Variants in CECR2 observed in about 807,000 individuals in gnomAD.
CECR2 encodes the protein CECR2 histone acetyl-lysine reader, also known as chromatin remodeling regulator CECR2.
Under a neutral mutation model 154.5 loss-of-function variants are expected in CECR2, and 30 were observed. That is an observed-to-expected ratio of 0.19 (90% confidence interval 0.15 to 0.26). The LOEUF (loss-of-function observed/expected upper bound fraction) is 0.26. Among genes scored for constraint, CECR2 ranks in the 10% least tolerant of loss-of-function variants. The pLI, the probability that CECR2 is intolerant of heterozygous loss-of-function variation, is 1.00. For synonymous variants in CECR2, 725 were observed against 683.7 expected (o/e 1.06, Z -0.94); for missense variants, 1,743 against 1,829.3 (o/e 0.95, Z 0.86).
chr22:17,505,943 C>T (rs1005452618), intron 7 of CECR2, among the ~76,000 whole-genome samples: 2 of 149,256 alleles, frequency 1.3e-5, no homozygotes, highest in African/African-American at 4.9e-5. Context: ...TTGCCAGGCT[C>T]ATGTGATCCT....
chr22:17,511,991 AT>A (rs961774183), intron 8 of CECR2, 95 bp downstream of exon 8: 33 of 942,418 alleles, frequency 3.5e-5, no homozygotes, highest in Middle Eastern at 4.6e-4. Flanking sequence ...ATTTTCCTTC[AT>A]TTTTTTTCCT....
At chr22:17,456,210 G>A (rs571874274) in intron 1 of CECR2, among the ~76,000 whole-genome samples, 2 of 152,134 alleles carry the variant, frequency 1.3e-5, no homozygotes, top group South Asian at 2.1e-4. Context: ...AAAATGTTAT[G>A]TATAGTTGAG....
chr22:17,549,479 G>A lies in CECR2; in HGVS notation c.4192G>A (p.Gly1398Ser). The A allele has an allele frequency of 6.2e-7, 1 of 1,610,334 alleles. No individual in the cohort carries two copies. Among genetic ancestry groups the A allele is most frequent in the Non-Finnish European group, 8.5e-7 (1 of 1,178,242 alleles). Residue 1398 changes from glycine to serine, a missense_variant, in exon 17 of 19, where the codon GGT (glycine) becomes AGT (serine). Physicochemically the swap from Gly to Ser is moderately conservative, Grantham distance 56. Around this residue, in one of 4 missense-constraint regions of CECR2, gnomAD observed 1,250 missense variants for 1,192.1 expected, o/e 1.05. Transcript: ENST00000262608. Reference protein sequence around the residue: ...PIYRCQEEGLGHFQAVMMEQI... With the variant: ...PIYRCQEEGLSHFQAVMMEQI... Reference sequence around the variant, plus strand: ...CTATCGCTGCCAGGAAGAAGGCCTGGGTCACTTTCAAGCTGTGATGATGGA... The same window carrying A: ...CTATCGCTGCCAGGAAGAAGGCCTGAGTCACTTTCAAGCTGTGATGATGGA...
Position 17,494,198 on chromosome 22 carries a change from C to T in CECR2, c.222-3205C>T, listed in dbSNP as rs533136017. Among the ~76,000 whole-genome samples the T allele has an allele frequency of 6.4e-4, 98 of 152,322 alleles. 2 individuals carry two copies. The Middle Eastern group carries it at 0.014, about 21-fold the overall frequency. ...ACAACCTCTGCCTCCCGGGTTCAAG[C>T]GATTCTCCTGCTTCAGCCTTCCAGA... is the stretch of plus-strand genomic sequence containing the variant. On this transcript the variant is annotated intron_variant, in intron 2 of 18. Coordinates refer to ENST00000262608, the MANE Select transcript of CECR2 (RefSeq NM_001290047.2).
chr22:17,552,075 C>G lies in CECR2; in HGVS notation c.4322C>G (p.Thr1441Ser). 1 of 1,614,016 alleles carries G rather than the reference C, an allele frequency of 6.2e-7. No individual in the cohort carries two copies. ...CAGTCGCAGGCCTCGTTCCCAAAGA[C>G]CCCCACAGCAGCAACATCACAGGAG... ...PVQSQASFPK[T>S]PTAATSQEEV... The change falls in exon 18 of 19, where the codon ACC becomes AGC. Residue 1441 changes from threonine to serine, a missense_variant. By Grantham distance (58) the Thr-to-Ser change is moderately conservative (BLOSUM62 1). Coordinates refer to ENST00000262608, the MANE Select transcript of CECR2 (RefSeq NM_001290047.2).
In CECR2 at chr22:17,549,301, C is replaced by A; in HGVS notation, c.4014C>A (p.Pro1338=). Residue 1338 remains proline, a synonymous_variant, in exon 17 of 19, where the codon CCC becomes CCA. Coordinates refer to ENST00000262608, the MANE Select transcript of CECR2 (RefSeq NM_001290047.2). ...GMGFGSSAFP[P]HSVMLQTGPP... is the part of the protein sequence containing the mutation. ...GATTTGGTTCATCTGCATTTCCACC[C>A]CACAGTGTGATGCTGCAGACGGGGC... 1.2e-6 allele frequency: 2 copies of A among 1,614,010 alleles called. No individual in the cohort carries two copies. Among genetic ancestry groups the A allele is most frequent in the Non-Finnish European group, 1.7e-6 (2 of 1,179,902 alleles).
chr22:17,380,908 G>A (rs1226705252), intron 1 of CECR2, among the ~76,000 whole-genome samples: 1 of 152,180 alleles, frequency 6.6e-6, no homozygotes, highest in Non-Finnish European at 1.5e-5. Flanking sequence ...ACTGAGGACA[G>A]TTGATTTGCT....
Position 17,380,815 on chromosome 22 carries a change from C to T in CECR2, c.126+10906C>T, listed in dbSNP as rs1210374663. Among the ~76,000 whole-genome samples the T allele has an allele frequency of 5.3e-5, 8 of 152,324 alleles. No homozygotes were observed. The East Asian group carries it at 1.5e-3, about 29-fold the overall frequency. On this transcript the variant is annotated intron_variant, in intron 1 of 18. Transcript: ENST00000262608. Reference sequence around the variant, plus strand: ...AAATGCTGTTCAGCAGTCTTGTTGACTGCAAGAGTGTTTTCTTCTCCTGGC... The same window carrying T: ...AAATGCTGTTCAGCAGTCTTGTTGATTGCAAGAGTGTTTTCTTCTCCTGGC...
intron 16 of CECR2, among the ~76,000 whole-genome samples, chr22:17,544,351 A>C (rs2056576934): frequency 6.6e-6 from 1 of 151,832 alleles, no homozygotes; most frequent in African/African-American, 2.4e-5. Flanking sequence ...ACAAAAAATT[A>C]GCCGAGCGTG....
At chr22:17,529,895 C>CAA (rs1034220631) in intron 9 of CECR2, among the ~76,000 whole-genome samples, 2 of 151,832 alleles carry the variant, frequency 1.3e-5, no homozygotes, top group Non-Finnish European at 1.5e-5. Flanking sequence ...CTTCCAACTA[C>CAA]AAAAAAAGAG....
chr22:17,484,751 G>A (rs58368530), intron 2 of CECR2, among the ~76,000 whole-genome samples: 3,476 of 152,118 alleles, frequency 0.023, 155 homozygotes, highest in African/African-American at 0.08. Flanking sequence ...ATTGGCACAC[G>A]CCTGTAGTCC....
chr22:17,552,939 G>C lies in CECR2; in HGVS notation c.*99G>C. On this transcript the variant is annotated 3_prime_UTR_variant, in exon 19 of 19. Coordinates refer to ENST00000262608, the MANE Select transcript of CECR2 (RefSeq NM_001290047.2). ...CCTGTCAGCTCTATTCCCATCACCT[G>C]CTCCACCCCTTCACGGCGACCCACT... 1 of 1,516,364 alleles carries C rather than the reference G, an allele frequency of 6.6e-7. No homozygotes were observed. Among genetic ancestry groups the C allele is most frequent in the Non-Finnish European group, 8.8e-7 (1 of 1,135,360 alleles). The allele number at this position is 1,516,364 out of a possible 1,614,324, so 93.9% of individuals were successfully genotyped here.
intron 8 of CECR2, among the ~76,000 whole-genome samples, chr22:17,522,663 C>T (rs1325005973): frequency 1.3e-5 from 2 of 152,160 alleles, no homozygotes; most frequent in Admixed American, 6.5e-5. Flanking sequence ...GTAAACTCTT[C>T]TAAAGTCAGG....
intron 1 of CECR2, among the ~76,000 whole-genome samples, chr22:17,383,290 G>T (rs1053739504): frequency 3.3e-5 from 5 of 152,172 alleles, no homozygotes; most frequent in African/African-American, 1.2e-4. Flanking sequence ...TTTTGCCAGT[G>T]CAGGGTCATG....
chr22:17,546,844 G>A (rs2056621769), intron 16 of CECR2, among the ~76,000 whole-genome samples: 1 of 151,828 alleles, frequency 6.6e-6, no homozygotes, highest in South Asian at 2.1e-4. Context: ...TTTGAGACCA[G>A]CCTGGCCAAC....
Position 17,538,975 on chromosome 22 carries a change from G to A in CECR2, c.1369-18G>A, listed in dbSNP as rs766815433. On this transcript the variant is annotated intron_variant, in intron 12 of 18. Coordinates refer to ENST00000262608, the MANE Select transcript of CECR2 (RefSeq NM_001290047.2). ...TCTCAGCATATTTTAACTATAAAGAGTTATGTGTCTCGTTTAGGCCCCCAT... is the reference window on the plus strand; with the variant it reads ...TCTCAGCATATTTTAACTATAAAGAATTATGTGTCTCGTTTAGGCCCCCAT... The A allele has an allele frequency of 6.2e-7, 1 of 1,611,062 alleles. No individual in the cohort carries two copies. Among genetic ancestry groups the A allele is most frequent in the Non-Finnish European group, 8.5e-7 (1 of 1,178,344 alleles).
intron 1 of CECR2, among the ~76,000 whole-genome samples, chr22:17,439,210 A>AT (rs1278192488): frequency 6.6e-6 from 1 of 150,888 alleles, no homozygotes. Flanking sequence ...AGTATTGGCA[A>AT]TTTTTTTTCT....
rs2056672313 is a variant in CECR2, at chr22:17,549,487, T to A, written c.4200T>A (p.Phe1400Leu). ...GCCAGGAAGAAGGCCTGGGTCACTT[T>A]CAAGCTGTGATGATGGAACAAATTG... Reference protein sequence around the residue: ...YRCQEEGLGHFQAVMMEQIGT... With the variant: ...YRCQEEGLGHLQAVMMEQIGT... Residue 1400 changes from phenylalanine to leucine, a missense_variant, in exon 17 of 19, where the codon TTT (phenylalanine) becomes TTA (leucine). This residue lies in a region of CECR2 where 1,250 missense variants were observed against 1,192.1 expected (regional missense o/e 1.05). Coordinates refer to ENST00000262608, the MANE Select transcript of CECR2 (RefSeq NM_001290047.2). 1.2e-6 allele frequency: 2 copies of A among 1,609,846 alleles called. No individual in the cohort carries two copies. Among genetic ancestry groups the A allele is most frequent in the Non-Finnish European group, 8.5e-7 (1 of 1,178,028 alleles).
intron 1 of CECR2, among the ~76,000 whole-genome samples, chr22:17,380,061 T>G (rs2063169275): frequency 8.5e-6 from 1 of 118,232 alleles, no homozygotes; most frequent in African/African-American, 4.5e-5. Context: ...TGACCATTGT[T>G]TTTTTTTGTT....
Sources: allele counts gnomAD v4.1 joint callset (sites outside exome capture counted in the v4.1 genomes callset), GRCh38; gene constraint gnomAD v4.1.1; regional missense constraint gnomAD v4.1.1; transcripts MANE v1.5; gene names NCBI Gene and HGNC (gene_info 2026-07-23, HGNC 2026-07-21).